YTHDF3: variants seen among roughly 807,000 people sequenced by gnomAD.
YTHDF3 encodes YTH N6-methyladenosine RNA binding protein F3.
A neutral mutation model predicts 52.5 loss-of-function variants in YTHDF3; 9 were observed. That is an observed-to-expected ratio of 0.17 (90% confidence interval 0.10 to 0.30). The LOEUF is 0.30. Ranked by LOEUF, YTHDF3 falls within the 10% of genes least tolerant of loss-of-function variation. The pLI is 1.00. For synonymous variants in YTHDF3, 274 were observed against 243.3 expected, an observed-to-expected ratio of 1.13 and a Z score of -1.18; for missense variants, 534 against 715.0, an observed-to-expected ratio of 0.75 and a Z score of 2.89.
intron 2 of YTHDF3, among the ~76,000 whole-genome samples, chr8:63,175,022 T>G (rs1807591163): frequency 6.6e-6 from 1 of 152,222 alleles, no homozygotes; most frequent in Admixed American, 6.5e-5. Context: ...CTTTCCAACA[T>G]TCTTATGTAA....
At chr8:63,171,411 T>C (rs1807318542) in intron 2 of YTHDF3, among the ~76,000 whole-genome samples, 1 of 152,182 alleles carries the variant, frequency 6.6e-6, no homozygotes, top group Non-Finnish European at 1.5e-5. Flanking sequence ...TTAATCTATT[T>C]TTAAGGTGCA....
At position 63,211,919 on chromosome 8, in the gene YTHDF3, C is replaced by T. The variant is rs1810389698; in HGVS notation, c.*2213C>T. ...GTGTTTTTCTCATATAAGTTTTCTC[C>T]AGAGCACCCACCTTCTCTTCCTTCT... On this transcript the variant is annotated 3_prime_UTR_variant, in exon 5 of 5. Coordinates refer to ENST00000539294, the MANE Select transcript of YTHDF3 (RefSeq NM_152758.6). The T allele has an allele frequency of 1.3e-5, 2 of 152,468 alleles. No individual in the cohort carries two copies. Among genetic ancestry groups the T allele is most frequent in the African/African-American group, 4.8e-5 (2 of 41,398 alleles). 9.4% of individuals were successfully genotyped at this position (152,468 alleles called of 1,614,324 possible).
rs1781490953 is a variant in YTHDF3, at chr8:63,211,365, A to C, written c.*1659A>C. On this transcript the variant is annotated 3_prime_UTR_variant, in exon 5 of 5. Transcript: ENST00000539294. ...ATAAAATAAAGACTTTCTTAAAGGA[A>C]AATTGCACCTATTTTACCTTTTTAA... 1 of 152,556 alleles carries C rather than the reference A, an allele frequency of 6.6e-6. No homozygotes were observed. Among genetic ancestry groups the C allele is most frequent in the African/African-American group, 2.4e-5 (1 of 41,452 alleles). The allele number at this position is 152,556 out of a possible 1,614,324, so 9.5% of individuals were successfully genotyped here. A position where few individuals can be genotyped will look rare whatever the true frequency, so the allele number is the denominator to read the frequency against.
At chr8:63,173,827 G>T (rs879316458) in intron 2 of YTHDF3, 9 of 261,734 alleles carry the variant, frequency 3.4e-5, no homozygotes, top group Admixed American at 1.3e-4. Flanking sequence ...TCCTAGTTCT[G>T]ATGCAGTCCT....
chr8:63,188,191 C>T (rs1002772297), intron 4 of YTHDF3, among the ~76,000 whole-genome samples: 2 of 151,362 alleles, frequency 1.3e-5, no homozygotes, highest in African/African-American at 4.9e-5. Flanking sequence ...TGGCTATTCA[C>T]AGGTGCAGTT....
In YTHDF3 at chr8:63,174,137, C is replaced by T. The variant is rs185179592; in HGVS notation, c.50-1194C>T. Reference sequence around the variant, plus strand: ...TACAGAGGAATACGCAATTTAAACCCGTCACCCTCCTAACTTCATAAAATT... The same window carrying T: ...TACAGAGGAATACGCAATTTAAACCTGTCACCCTCCTAACTTCATAAAATT... On this transcript the variant is annotated intron_variant, in intron 2 of 4. Transcript: ENST00000539294. Among the ~76,000 whole-genome samples the T allele has an allele frequency of 3.3e-5, 5 of 152,258 alleles. No homozygotes were observed. The East Asian group carries it at 7.7e-4, about 24-fold the overall frequency.
At chr8:63,185,613 C>A (rs529235483) in intron 3 of YTHDF3, among the ~76,000 whole-genome samples, 1 of 152,298 alleles carries the variant, frequency 6.6e-6, no homozygotes, top group Non-Finnish European at 1.5e-5. Flanking sequence ...CTTCTCAAGA[C>A]TGTGAGCATT....
intron 4 of YTHDF3, among the ~76,000 whole-genome samples, chr8:63,200,899 G>GT (rs944205364): frequency 9.2e-5 from 14 of 152,122 alleles, no homozygotes; most frequent in African/African-American, 3.4e-4. Flanking sequence ...ATTGTGATAT[G>GT]TTGAAGTAAT....
Position 63,187,292 on chromosome 8 carries a change from T to A in YTHDF3, c.1281T>A (p.Asp427Glu), listed in dbSNP as rs1808586749. The A allele has an allele frequency of 6.2e-7, 1 of 1,613,930 alleles. No homozygotes were observed. Among genetic ancestry groups the A allele is most frequent in the Non-Finnish European group, 8.5e-7 (1 of 1,179,902 alleles). ...RVFIIKSYSE[D>E]DIHRSIKYSI... ...TTATAATTAAAAGCTACTCTGAGGA[T>A]GACATACATCGTTCCATTAAATACT... Residue 427 changes from aspartate to glutamate, a missense_variant, in exon 4 of 5, where the codon GAT becomes GAA. Physicochemically the swap from Asp to Glu is conservative, Grantham distance 45. Around this residue, in one of 3 missense-constraint regions of YTHDF3, gnomAD observed 135 missense variants for 214.2 expected, o/e 0.63. Transcript: ENST00000539294.
intron 3 of YTHDF3, among the ~76,000 whole-genome samples, chr8:63,185,403 T>C (rs765470593): frequency 6.6e-6 from 1 of 151,900 alleles, no homozygotes; most frequent in Non-Finnish European, 1.5e-5. Context: ...TATTACTAAA[T>C]TAAAAAAAAC....
intron 4 of YTHDF3, 62 bp from the exon 5 acceptor site, chr8:63,209,621 T>G: frequency 6.8e-7 from 1 of 1,465,664 alleles, no homozygotes; most frequent in Non-Finnish European, 9.1e-7. Flanking sequence ...AGTTTAAATC[T>G]TTAAATAATG....
intron 2 of YTHDF3, among the ~76,000 whole-genome samples, chr8:63,173,202 T>TATATATATATATATATATATATA (rs1554533375): frequency 2.6e-4 from 33 of 125,904 alleles, no homozygotes; most frequent in African/African-American, 1.2e-3. Flanking sequence ...AGGATTATAT[T>TATATATATATATATATATATATA]TATATATATA....
chr8:63,186,977 GCCTCAACCA>G lies in YTHDF3; in HGVS notation c.969_977del (p.Pro326_Pro328del). On this transcript the variant is annotated inframe_deletion, in exon 4 of 5. Coordinates refer to ENST00000539294, the MANE Select transcript of YTHDF3 (RefSeq NM_152758.6). ...TGCAAAGCCAACTGCCTCAACAGCA[GCCTCAACCA>G]CCACAACCACAGCAGCAACAAGGAC... The G allele has an allele frequency of 6.2e-7, 1 of 1,613,692 alleles. No homozygotes were observed. The highest frequency in any genetic ancestry group is 8.5e-7 in the Non-Finnish European group (1 of 1,179,778).
In YTHDF3 at chr8:63,212,372, C is replaced by G. The variant is rs957811627; in HGVS notation, c.*2666C>G. ...TTTAATTTAAGTGATCTTTCTAATT[C>G]GAAAGCTGTGTTCTTTTTGAATACC... On this transcript the variant is annotated 3_prime_UTR_variant, in exon 5 of 5. Transcript: ENST00000539294. 6.6e-6 allele frequency: 1 copy of G among 152,422 alleles called. No homozygotes were observed. Among genetic ancestry groups the G allele is most frequent in the African/African-American group, 2.4e-5 (1 of 41,382 alleles). The allele number at this position is 152,422 out of a possible 1,614,324, so 9.4% of individuals were successfully genotyped here.
At chr8:63,182,129 T>C (rs1808180556) in intron 3 of YTHDF3, among the ~76,000 whole-genome samples, 1 of 151,834 alleles carries the variant, frequency 6.6e-6, no homozygotes. Context: ...AGTGCAGTAG[T>C]GTGATCATAG....
intron 3 of YTHDF3, among the ~76,000 whole-genome samples, chr8:63,177,611 A>T (rs1471530852): frequency 6.6e-6 from 1 of 152,196 alleles, no homozygotes; most frequent in Non-Finnish European, 1.5e-5. Flanking sequence ...AAAGATGTCC[A>T]TGTTTAGATA....
intron 4 of YTHDF3, among the ~76,000 whole-genome samples, chr8:63,204,059 A>G (rs1057234662): frequency 2.6e-5 from 4 of 152,198 alleles, no homozygotes; most frequent in African/African-American, 7.2e-5. Flanking sequence ...TGAGGAAATC[A>G]AGCCCCACCT....
rs1323829159 is a variant in YTHDF3 at position 63,192,909 on chromosome 8, C to CTCA, written c.1734+5165_1734+5167dup. Among the ~76,000 whole-genome samples the CTCA allele has an allele frequency of 2.7e-5, 4 of 149,742 alleles. No individual in the cohort carries two copies. The East Asian group carries it at 7.9e-4, about 30-fold the overall frequency. On this transcript the variant is annotated intron_variant, in intron 4 of 4. Transcript: ENST00000539294. The stretch of plus-strand genomic sequence containing the variant: ...TCTGTCATGTATTTAGCTGGAATTT[C>CTCA]TCAAAGCTTCTGGTATGTGGATGTA...
rs756945996 is a variant in YTHDF3 at position 63,209,705 on chromosome 8, A to T, written c.1757A>T (p.Ter586LeuextTer12). Residue 586 changes from the stop codon to leucine, a stop_lost, in exon 5 of 5, where the codon TAA becomes TTA. Coordinates refer to ENST00000539294, the MANE Select transcript of YTHDF3 (RefSeq NM_152758.6). ...MRRERNRNKQ[*>L] ...CAGGAGAGAAATAGAAACAAACAAT[A>T]ACCGTATGAAGATGTCCTGTTAAAT... The T allele has an allele frequency of 1.3e-6, 2 of 1,575,776 alleles. No individual in the cohort carries two copies. The highest frequency in any genetic ancestry group is 3.4e-4 in the Middle Eastern group (2 of 5,900).
Sources: allele counts gnomAD v4.1 joint callset (sites outside exome capture counted in the v4.1 genomes callset), GRCh38; gene constraint gnomAD v4.1.1; regional missense constraint gnomAD v4.1.1; transcripts MANE v1.5; gene names NCBI Gene and HGNC (gene_info 2026-07-23, HGNC 2026-07-21).